The following CNTN5 variants were observed in gnomAD, a reference collection of about 807,000 sequenced individuals.
The protein encoded by CNTN5 is contactin 5, also known as contactin-5.
A neutral mutation model predicts 129.1 loss-of-function variants in CNTN5; 77 were observed. The ratio of observed to expected loss-of-function variants is 0.60; its 90% CI spans 0.50 to 0.72. CNTN5 has a LOEUF of 0.72. Ranked by LOEUF, CNTN5 falls within the 30% of genes least tolerant of loss-of-function variation. The probability of loss-of-function intolerance (pLI) is 0.00; values close to 1 mark genes in which losing one functional copy is unlikely to be tolerated. For missense variants in CNTN5, 1,478 were observed against 1,328.8 expected, an observed-to-expected ratio of 1.11 and a Z score of -1.75; for synonymous variants, 509 against 465.6, an observed-to-expected ratio of 1.09 and a Z score of -1.20.
intron 21 of CNTN5, 72 bp from the exon 22 acceptor site, chr11:100,340,391 G>GA: frequency 8.6e-7 from 1 of 1,166,146 alleles, no homozygotes; most frequent in Non-Finnish European, 1.2e-6. Context: ...CCAAAAAAGA[G>GA]AAAAAGTTCA....
chr11:100,060,579 T>C lies in CNTN5; in HGVS notation c.981-633T>C, dbSNP rs191466728. 1.9e-3 allele frequency among the ~76,000 whole-genome samples: 285 copies of C among 152,136 alleles called. 3 individuals carry two copies. The highest frequency in any genetic ancestry group is 9.3e-4 in the Non-Finnish European group (63 of 67,992). On this transcript the variant is annotated intron_variant, in intron 9 of 24. Coordinates refer to ENST00000524871, the MANE Select transcript of CNTN5 (RefSeq NM_014361.4). ...GGTTTGACTCATTGCAATAAGCACA[T>C]ATATGTTAGTAATTTTGCCAAGTTA...
intron 13 of CNTN5, among the ~76,000 whole-genome samples, chr11:100,156,247 CTATTGAGA>C (rs1947237922): frequency 6.6e-6 from 1 of 152,114 alleles, no homozygotes; most frequent in South Asian, 2.1e-4. Flanking sequence ...TTTTCTGCAT[CTATTGAGA>C]TAATCATGTG....
chr11:99,734,976 C>A (rs1943654909), intron 3 of CNTN5, among the ~76,000 whole-genome samples: 1 of 151,896 alleles, frequency 6.6e-6, no homozygotes, highest in Non-Finnish European at 1.5e-5. Flanking sequence ...CCACTGCAGT[C>A]CGCCCTGGGG....
rs140169700 is a variant in CNTN5, at chr11:99,636,302, C to T, written c.55+80033C>T. Among the ~76,000 whole-genome samples the T allele has an allele frequency of 4.6e-5, 7 of 152,146 alleles. 1 individual carries two copies. The East Asian group carries it at 1.4e-3, about 29-fold the overall frequency. On this transcript the variant is annotated intron_variant, in intron 3 of 24. Coordinates refer to ENST00000524871, the MANE Select transcript of CNTN5 (RefSeq NM_014361.4). The stretch of plus-strand genomic sequence containing the variant: ...CAATGAAAGTGAAAAAGCATCTTCC[C>T]TAATATATGCCAAGATATTTAGACA...
chr11:99,612,037 C>A (rs535844672), intron 3 of CNTN5, among the ~76,000 whole-genome samples: 1 of 152,230 alleles, frequency 6.6e-6, no homozygotes, highest in African/African-American at 2.4e-5. Context: ...AGAGCCACAA[C>A]CTTCAAAATA....
At chr11:99,414,009 C>A (rs1942521956) in intron 2 of CNTN5, among the ~76,000 whole-genome samples, 1 of 152,120 alleles carries the variant, frequency 6.6e-6, no homozygotes, top group Non-Finnish European at 1.5e-5. Flanking sequence ...ATACAGATAA[C>A]TAGATATTCT....
chr11:99,146,342 T>G (rs1859783783), intron 1 of CNTN5, among the ~76,000 whole-genome samples: 1 of 152,144 alleles, frequency 6.6e-6, no homozygotes, highest in Non-Finnish European at 1.5e-5. Flanking sequence ...TGGGGATAAA[T>G]TATGTATTAC....
chr11:99,155,120 C>T (rs181555370), intron 1 of CNTN5, among the ~76,000 whole-genome samples: 7 of 152,192 alleles, frequency 4.6e-5, no homozygotes, highest in South Asian at 2.1e-4. Context: ...TTCAGCTCTC[C>T]GCTTCCCCTG....
intron 2 of CNTN5, among the ~76,000 whole-genome samples, chr11:99,403,183 G>C (rs1283287017): frequency 6.6e-6 from 1 of 151,648 alleles, no homozygotes; most frequent in Non-Finnish European, 1.5e-5. Context: ...ATTTTTTGTA[G>C]TAGAGATGGG....
intron 3 of CNTN5, among the ~76,000 whole-genome samples, chr11:99,612,557 T>C (rs1383741149): frequency 1.3e-5 from 2 of 152,288 alleles, no homozygotes; most frequent in African/African-American, 2.4e-5. Flanking sequence ...TCTTTAGTCT[T>C]TTTAAAAACT....
intron 8 of CNTN5, among the ~76,000 whole-genome samples, chr11:99,985,986 T>C (rs35133654): frequency 0.31 from 46,691 of 151,848 alleles, 7,732 homozygotes; most frequent in African/African-American, 0.43. Flanking sequence ...TCTACCTTCA[T>C]CACAATCTCA....
intron 1 of CNTN5, among the ~76,000 whole-genome samples, chr11:99,198,026 C>T (rs924060217): frequency 6.6e-6 from 1 of 152,002 alleles, no homozygotes; most frequent in Non-Finnish European, 1.5e-5. Context: ...GATGAGAATT[C>T]GCTGGTATCT....
At chr11:99,424,918 C>T (rs541536862) in intron 2 of CNTN5, among the ~76,000 whole-genome samples, 1 of 152,314 alleles carries the variant, frequency 6.6e-6, no homozygotes, top group South Asian at 2.1e-4. Flanking sequence ...TGAGACAGAA[C>T]AGCTCAGAGG....
intron 16 of CNTN5, among the ~76,000 whole-genome samples, chr11:100,243,080 T>C (rs1003318967): frequency 6.6e-6 from 1 of 152,214 alleles, no homozygotes; most frequent in Admixed American, 6.5e-5. Flanking sequence ...CAGAATTTTC[T>C]CACGCTGCAT....
At position 100,356,348 on chromosome 11, in the gene CNTN5, G is replaced by C. The variant is rs199805507; in HGVS notation, c.*128G>C. The stretch of plus-strand genomic sequence containing the variant: ...TTAAAAACTTGGGACTATACATGGT[G>C]AACTTACAGGAGGTTAGGGGGGAAA... On this transcript the variant is annotated 3_prime_UTR_variant, in exon 25 of 25. Transcript: ENST00000524871. The C allele has an allele frequency of 1.3e-5, 9 of 672,486 alleles. No individual in the cohort carries two copies. Among genetic ancestry groups the C allele is most frequent in the Non-Finnish European group, 1.8e-5 (7 of 378,728 alleles). The allele number at this position is 672,486 out of a possible 1,614,324, so 41.7% of individuals were successfully genotyped here. A position where few individuals can be genotyped will look rare whatever the true frequency, so the allele number is the denominator to read the frequency against.
At chr11:100,149,893 C>CA (rs36016957) in intron 13 of CNTN5, among the ~76,000 whole-genome samples, 77,454 of 116,774 alleles carry the variant, frequency 0.66, 24,615 homozygotes, top group African/African-American at 0.78. Flanking sequence ...GACTCCATCT[C>CA]AAAAAAAAAA....
intron 2 of CNTN5, among the ~76,000 whole-genome samples, chr11:99,374,747 A>G (rs1940056226): frequency 6.6e-6 from 1 of 152,172 alleles, no homozygotes; most frequent in Admixed American, 6.5e-5. Context: ...TGAGGTAAAA[A>G]GGAAATGAGT....
rs146768337 is a variant in CNTN5 at position 99,965,976 on chromosome 11, C to T, written c.877+8967C>T. ...AATAAAAATAGAATATATATTGCACCACGGTCAGCTGAAATTCCTGCTGGG... is the reference window on the plus strand; with the variant it reads ...AATAAAAATAGAATATATATTGCACTACGGTCAGCTGAAATTCCTGCTGGG... On this transcript the variant is annotated intron_variant, in intron 8 of 24. Transcript: ENST00000524871. Among the ~76,000 whole-genome samples the T allele has an allele frequency of 1.1e-3, 168 of 152,152 alleles. 2 individuals are homozygous for T. Among genetic ancestry groups the T allele is most frequent in the African/African-American group, 3.7e-3 (154 of 41,508 alleles).
chr11:100,052,953 A>G (rs1206110934), intron 9 of CNTN5, among the ~76,000 whole-genome samples: 1 of 151,758 alleles, frequency 6.6e-6, no homozygotes, highest in African/African-American at 2.4e-5. Context: ...TTCAATAGGG[A>G]AAGGGTAATA....
Sources: gnomAD v4.1 joint callset for allele counts (sites outside exome capture counted in the v4.1 genomes callset) on GRCh38, gnomAD v4.1.1 for gene constraint, MANE v1.5 for transcripts, NCBI Gene and HGNC (gene_info 2026-07-23, HGNC 2026-07-21) for gene names.